The following PCDHA4 variants were observed in gnomAD, a reference collection of about 807,000 sequenced individuals.
The protein encoded by PCDHA4 is protocadherin alpha 4.
PCDHA4 carries 49 observed loss-of-function variants against 61.4 expected under a neutral mutation model. That is an observed-to-expected ratio of 0.80 (90% confidence interval 0.63 to 1.01). The LOEUF is 1.01. Ranked by LOEUF, PCDHA4 falls within the 50% of genes least tolerant of loss-of-function variation. The probability of loss-of-function intolerance (pLI) is 0.00; values close to 1 mark genes in which losing one functional copy is unlikely to be tolerated. For missense variants in PCDHA4, 1,254 were observed against 1,235.8 expected (o/e 1.01, Z -0.22); for synonymous variants, 590 against 550.3 (o/e 1.07, Z -1.01).
At chr5:140,997,225 C>T (rs1554255781) in intron 3 of PCDHA4, among the ~76,000 whole-genome samples, 1 of 152,090 alleles carries the variant, frequency 6.6e-6, no homozygotes, top group African/African-American at 2.4e-5. Context: ...CTATCATTAC[C>T]ACCCAACTTC....
rs782041085 is a variant in PCDHA4, at chr5:140,807,640, G to A, written c.453G>A (p.Arg151=). 8.7e-6 allele frequency: 14 copies of A among 1,614,206 alleles called. No homozygotes were observed. The South Asian group carries it at 1.5e-4, about 18-fold the overall frequency. The part of the protein sequence containing the change: ...SIAESRPLDS[R]FPLEGASDAD... ...CGGAATCCAGGCCGCTTGACTCTCG[G>A]TTTCCACTAGAGGGCGCCTCGGATG... The change falls in exon 1 of 4, where the codon CGG becomes CGA. Residue 151 remains arginine (R), a synonymous_variant. Coordinates refer to ENST00000530339, the MANE Select transcript of PCDHA4 (RefSeq NM_018907.4).
In PCDHA4 at chr5:140,977,177, T is replaced by G. The variant is rs139020033; in HGVS notation, c.2386-1772T>G. On this transcript the variant is annotated intron_variant, in intron 1 of 3. Coordinates refer to ENST00000530339, the MANE Select transcript of PCDHA4 (RefSeq NM_018907.4). ...CCTTTCAGCAAAATGAGTTTGATGA[T>G]TTCATTCCAAAGATCAAGTTGCAGC... 6.8e-3 allele frequency among the ~76,000 whole-genome samples: 1,032 copies of G among 152,274 alleles called. 9 individuals are homozygous for G. Among genetic ancestry groups the G allele is most frequent in the African/African-American group, 0.023 (966 of 41,542 alleles).
intron 1 of PCDHA4, chr5:140,871,449 G>T (rs782722272): frequency 2.7e-5 from 43 of 1,608,644 alleles, no homozygotes; most frequent in Non-Finnish European, 3.7e-5. Flanking sequence ...TGAATAAAGA[G>T]GAGGAAGGGG....
chr5:140,878,348 T>G (rs55915538), intron 1 of PCDHA4, among the ~76,000 whole-genome samples: 4,312 of 152,298 alleles, frequency 0.028, 189 homozygotes, highest in African/African-American at 0.098. Flanking sequence ...ATCACAATAA[T>G]ATAAATGATA....
Position 140,876,083 on chromosome 5 carries a change from A to C in PCDHA4, c.2385+66511A>C. 1 of 1,613,974 alleles carries C rather than the reference A, an allele frequency of 6.2e-7. No individual in the cohort carries two copies. The highest frequency in any genetic ancestry group is 8.5e-7 in the Non-Finnish European group (1 of 1,179,900). ...CTTCGGAAGTTATTGGACAGAGAGC[A>C]AACGCCAAAACTCAATTTATTGCTG... On this transcript the variant is annotated intron_variant, in intron 1 of 3. Coordinates refer to ENST00000530339, the MANE Select transcript of PCDHA4 (RefSeq NM_018907.4).
chr5:140,886,972 A>G (rs2061245917), intron 1 of PCDHA4, among the ~76,000 whole-genome samples: 1 of 152,122 alleles, frequency 6.6e-6, no homozygotes, highest in South Asian at 2.1e-4. Context: ...GAAATTTATT[A>G]TTTTGTAAAT....
intron 3 of PCDHA4, among the ~76,000 whole-genome samples, chr5:140,985,802 C>T (rs567648207): frequency 1.1e-4 from 16 of 146,640 alleles, no homozygotes; most frequent in African/African-American, 3.3e-4. Flanking sequence ...TGCAGTGGCA[C>T]GATCTCAGCT....
chr5:140,856,837 C>A, intron 1 of PCDHA4: 1 of 1,591,918 alleles, frequency 6.3e-7, no homozygotes, highest in Non-Finnish European at 8.6e-7. Flanking sequence ...TAATACGGCT[C>A]AACGCTTCTG....
intron 1 of PCDHA4, among the ~76,000 whole-genome samples, chr5:140,820,340 A>G (rs2150106662): frequency 6.0e-4 from 91 of 152,142 alleles, no homozygotes; most frequent in African/African-American, 2.1e-3. Flanking sequence ...AATTCCAGAA[A>G]TCAAGTGAAT....
intron 1 of PCDHA4, among the ~76,000 whole-genome samples, chr5:140,890,615 C>A (rs1266338521): frequency 6.6e-6 from 1 of 152,026 alleles, no homozygotes; most frequent in Non-Finnish European, 1.5e-5. Context: ...AGTGCTTACC[C>A]TAGAAAATTA....
intron 1 of PCDHA4, chr5:140,862,841 C>A (rs782790470): frequency 7.0e-5 from 40 of 573,022 alleles, no homozygotes; most frequent in South Asian, 4.5e-4. Flanking sequence ...GCGGGCATGC[C>A]GCCTCTGAGC....
intron 1 of PCDHA4, among the ~76,000 whole-genome samples, chr5:140,940,491 C>A (rs1554213409): frequency 6.6e-6 from 1 of 151,752 alleles, no homozygotes; most frequent in Admixed American, 6.6e-5. Context: ...CAAGACAAGT[C>A]TTGCTCCGTC....
intron 1 of PCDHA4, chr5:140,836,306 C>A: frequency 6.2e-7 from 1 of 1,613,706 alleles, no homozygotes; most frequent in Non-Finnish European, 8.5e-7. Flanking sequence ...ATGAGACGGA[C>A]GCACCGCGCC....
intron 1 of PCDHA4, among the ~76,000 whole-genome samples, chr5:140,819,477 A>T (rs1335807902): frequency 6.6e-6 from 1 of 152,148 alleles, no homozygotes; most frequent in Non-Finnish European, 1.5e-5. Context: ...TTACACAATG[A>T]TGCTTAAACA....
intron 1 of PCDHA4, chr5:140,869,579 A>G: frequency 6.2e-7 from 1 of 1,614,178 alleles, no homozygotes; most frequent in Non-Finnish European, 8.5e-7. Flanking sequence ...GGAGCTTCTG[A>G]TGCTGACATT....
Position 140,809,311 on chromosome 5 carries a change from C to T in PCDHA4, c.2124C>T (p.Ser708=). 1 of 1,614,122 alleles carries T rather than the reference C, an allele frequency of 6.2e-7. No individual in the cohort carries two copies. The highest frequency in any genetic ancestry group is 8.5e-7 in the Non-Finnish European group (1 of 1,179,952). The change falls in exon 1 of 4, where the codon TCC becomes TCT. Residue 708 remains serine (S), a synonymous_variant. Coordinates refer to ENST00000530339, the MANE Select transcript of PCDHA4 (RefSeq NM_018907.4). The part of the protein sequence containing the change: ...VYLIIAICAV[S]SLLVLTLLLY... ...TGATCATTGCCATCTGCGCGGTGTC[C>T]AGCCTTTTGGTGCTCACGCTGCTGC...
chr5:140,968,492 G>A (rs2096250539), intron 1 of PCDHA4: 2 of 1,614,074 alleles, frequency 1.2e-6, no homozygotes, highest in African/African-American at 1.3e-5. Flanking sequence ...GAATGACCAT[G>A]CCCCTCACAT....
At chr5:140,860,671 T>G (rs1339790199) in intron 1 of PCDHA4, 4 of 152,218 alleles carry the variant, frequency 2.6e-5, no homozygotes, top group Non-Finnish European at 2.9e-5. Flanking sequence ...TGAAATCAAA[T>G]GCACTTATGT....
At chr5:140,878,545 A>G (rs1554170455) in intron 1 of PCDHA4, among the ~76,000 whole-genome samples, 1 of 152,228 alleles carries the variant, frequency 6.6e-6, no homozygotes, top group African/African-American at 2.4e-5. Context: ...AACCAGTTTC[A>G]GATGATCCCA....
Sources: allele counts gnomAD v4.1 joint callset (sites outside exome capture counted in the v4.1 genomes callset), GRCh38; gene constraint gnomAD v4.1.1; transcripts MANE v1.5; gene names NCBI Gene and HGNC (gene_info 2026-07-23, HGNC 2026-07-21).